The following SEL1L3 variants were observed in gnomAD, a reference collection of about 807,000 sequenced individuals.
SEL1L3 encodes the protein SEL1L family member 3, also known as protein sel-1 homolog 3.
In SEL1L3, 76 loss-of-function variants were observed where a neutral mutation model predicts 142.8. That is an observed-to-expected ratio of 0.53 (90% CI 0.44 to 0.64). The LOEUF (loss-of-function observed/expected upper bound fraction) is 0.64. Among genes scored for constraint, SEL1L3 ranks in the 30% least tolerant of loss-of-function variants. The probability of loss-of-function intolerance (pLI) is 0.00; values close to 1 mark genes in which losing one functional copy is unlikely to be tolerated. For missense variants in SEL1L3, 1,262 were observed against 1,381.7 expected, an observed-to-expected ratio of 0.91 and a Z score of 1.37; for synonymous variants, 504 against 519.6, an observed-to-expected ratio of 0.97 and a Z score of 0.41.
chr4:25,854,529 C>T (rs1717115737), intron 1 of SEL1L3, among the ~76,000 whole-genome samples: 1 of 152,204 alleles, frequency 6.6e-6, no homozygotes, highest in South Asian at 2.1e-4. Context: ...CCACCCACCT[C>T]GGCCTTCCAA....
intron 11 of SEL1L3, among the ~76,000 whole-genome samples, chr4:25,800,608 A>T (rs888899943): frequency 5.3e-5 from 8 of 151,774 alleles, no homozygotes; most frequent in Non-Finnish European, 8.8e-5. Context: ...AGGCTTAGTT[A>T]AAAAAAATAG....
At chr4:25,802,869 A>T (rs1215619678) in intron 10 of SEL1L3, among the ~76,000 whole-genome samples, 3 of 152,088 alleles carry the variant, frequency 2.0e-5, no homozygotes, top group East Asian at 1.9e-4. Flanking sequence ...TTGCCTTTTT[A>T]AAAAAATAAT....
intron 2 of SEL1L3, among the ~76,000 whole-genome samples, chr4:25,839,350 T>C (rs1357403014): frequency 1.3e-5 from 2 of 152,220 alleles, no homozygotes; most frequent in East Asian, 3.8e-4. Flanking sequence ...CCTAGTAATT[T>C]ATCCTCCAAA....
intron 3 of SEL1L3, 31 bp downstream of exon 3, chr4:25,835,166 C>G (rs967781929): frequency 6.2e-7 from 1 of 1,611,808 alleles, no homozygotes; most frequent in Non-Finnish European, 8.5e-7. Context: ...AAGCACCGCC[C>G]GATCAGCTCC....
chr4:25,842,446 T>C (rs926015304), intron 2 of SEL1L3, among the ~76,000 whole-genome samples: 1 of 152,080 alleles, frequency 6.6e-6, no homozygotes, highest in African/African-American at 2.4e-5. Flanking sequence ...AGCAAAGACA[T>C]AGGGGTGGGG....
At chr4:25,843,230 G>A (rs549907374) in intron 2 of SEL1L3, among the ~76,000 whole-genome samples, 1 of 151,588 alleles carries the variant, frequency 6.6e-6, no homozygotes, top group East Asian at 2.0e-4. Context: ...GAGGAACTGG[G>A]GGGCTTAATC....
intron 23 of SEL1L3, chr4:25,756,051 T>C: frequency 4.1e-6 from 4 of 985,418 alleles, no homozygotes; most frequent in Non-Finnish European, 4.8e-6. Context: ...GATTTCGCAT[T>C]AGCTTCTTGC....
chr4:25,717,796 A>C, the SEL1L3 span, among the ~76,000 whole-genome samples: 1,243 of 152,320 alleles, frequency 8.2e-3, 5 homozygotes, highest in South Asian at 0.014. Context: ...TAATCTCTTT[A>C]AGCCTCATTT....
intron 10 of SEL1L3, among the ~76,000 whole-genome samples, chr4:25,802,740 C>A (rs1290012093): frequency 6.6e-6 from 1 of 152,102 alleles, no homozygotes; most frequent in South Asian, 2.1e-4. Context: ...CACCACAATG[C>A]CCAGCTAATT....
At chr4:25,714,731 C>T in the SEL1L3 span, among the ~76,000 whole-genome samples, 324 of 151,766 alleles carry the variant, frequency 2.1e-3, no homozygotes, top group African/African-American at 7.4e-3. Context: ...CCACCATGCC[C>T]GGCTAATTTT....
chr4:25,829,955 C>A, intron 6 of SEL1L3, 143 bp downstream of exon 6: 1 of 605,296 alleles, frequency 1.7e-6, no homozygotes, highest in South Asian at 2.1e-5. Flanking sequence ...AGTACAAAGA[C>A]TAGCTACAGG....
downstream of SEL1L3, among the ~76,000 whole-genome samples, chr4:25,746,594 G>C (rs1183672516): frequency 2.1e-5 from 3 of 139,936 alleles, no homozygotes; most frequent in African/African-American, 8.0e-5. Flanking sequence ...GATAGATATA[G>C]ATCTCTATCT....
chr4:25,837,578 T>C (rs1715916660), intron 2 of SEL1L3, among the ~76,000 whole-genome samples: 1 of 151,954 alleles, frequency 6.6e-6, no homozygotes, highest in Non-Finnish European at 1.5e-5. Flanking sequence ...ATACCGTTTG[T>C]ACCCAACAAA....
At chr4:25,726,480 A>G in the SEL1L3 span, among the ~76,000 whole-genome samples, 4 of 149,248 alleles carry the variant, frequency 2.7e-5, no homozygotes, top group African/African-American at 9.9e-5. Context: ...GTGAGCCGAG[A>G]TTGCGCCACT....
intron 2 of SEL1L3, among the ~76,000 whole-genome samples, chr4:25,841,681 G>A (rs140086378): frequency 1.3e-5 from 2 of 152,272 alleles, no homozygotes; most frequent in African/African-American, 2.4e-5. Flanking sequence ...CGGGCCAGGC[G>A]CTGTAGTTCA....
At chr4:25,804,139 C>T (rs1485966950) in intron 10 of SEL1L3, among the ~76,000 whole-genome samples, 1 of 152,348 alleles carries the variant, frequency 6.6e-6, no homozygotes, top group East Asian at 1.9e-4. Context: ...TGATGACAGA[C>T]TGCTGGATGC....
chr4:25,833,315 A>C, intron 4 of SEL1L3, 133 bp downstream of exon 4: 2 of 853,524 alleles, frequency 2.3e-6, no homozygotes, highest in Non-Finnish European at 3.6e-6. Context: ...TTTGAAGCCC[A>C]CATTTGGAAG....
chr4:25,814,764 C>T (rs1714270154), intron 9 of SEL1L3, among the ~76,000 whole-genome samples: 1 of 151,170 alleles, frequency 6.6e-6, no homozygotes, highest in African/African-American at 2.5e-5. Context: ...AATATAAACT[C>T]ATTTTTTTTT....
At chr4:25,861,111 C>T (rs550262566) in intron 1 of SEL1L3, among the ~76,000 whole-genome samples, 1 of 152,182 alleles carries the variant, frequency 6.6e-6, no homozygotes, top group Non-Finnish European at 1.5e-5. Flanking sequence ...GAATGTTTCA[C>T]GCAACACTCT....
Sources: allele counts gnomAD v4.1 joint callset (sites outside exome capture counted in the v4.1 genomes callset), GRCh38; gene constraint gnomAD v4.1.1; transcripts MANE v1.5; gene names NCBI Gene and HGNC (gene_info 2026-07-23, HGNC 2026-07-21).